Variants in C4orf17 observed in about 807,000 individuals in gnomAD.
C4orf17 encodes the protein uncharacterized protein C4orf17.
A neutral mutation model predicts 32.0 loss-of-function variants in C4orf17; 25 were observed. The ratio of observed to expected loss-of-function variants is 0.78; its 90% CI spans 0.57 to 1.09. The LOEUF is 1.09. Ranked by LOEUF, C4orf17 falls within the 50% of genes least tolerant of loss-of-function variation. C4orf17 has a pLI of 0.00. For synonymous variants in C4orf17, 149 were observed against 145.8 expected (o/e 1.02, Z -0.16); for missense variants, 420 against 420.0 (o/e 1.00, Z 0.00).
intron 2 of C4orf17, among the ~76,000 whole-genome samples, chr4:99,517,352 T>TGCTGCAGGG (rs113783060): frequency 2.0e-5 from 3 of 152,074 alleles, no homozygotes; most frequent in Non-Finnish European, 2.9e-5. Flanking sequence ...CAGAACATAT[T>TGCTGCAGGG]GCTGCAGGGG....
At chr4:99,523,351 T>C in intron 3 of C4orf17, among the ~76,000 whole-genome samples, 1 of 152,250 alleles carries the variant, frequency 6.6e-6, no homozygotes, top group Non-Finnish European at 1.5e-5. Context: ...TACATGCTAT[T>C]ACTAAAACTA....
intron 4 of C4orf17, among the ~76,000 whole-genome samples, chr4:99,524,982 TA>T (rs1723361892): frequency 6.6e-6 from 1 of 152,224 alleles, no homozygotes; most frequent in Admixed American, 6.5e-5. Context: ...ATGATTATTT[TA>T]AGATTCATCC....
At chr4:99,522,358 TG>T in intron 2 of C4orf17, 141 bp from the exon 3 acceptor site, 1 of 627,450 alleles carries the variant, frequency 1.6e-6, no homozygotes, top group Non-Finnish European at 2.5e-6. Flanking sequence ...TTTTTTTTTT[TG>T]GTTTATACAA....
intron 2 of C4orf17, 138 bp downstream of exon 2, chr4:99,513,346 G>C (rs1723127820): frequency 9.3e-7 from 1 of 1,080,046 alleles, no homozygotes; most frequent in Non-Finnish European, 1.4e-6. Flanking sequence ...ATTGGGACTA[G>C]ATGCCAGCAC....
intron 8 of C4orf17, chr4:99,540,671 A>T (rs1723638832): frequency 4.4e-6 from 2 of 454,426 alleles, no homozygotes; most frequent in Admixed American, 3.9e-5. Flanking sequence ...ATGGACAGAC[A>T]CTCTTTGAGA....
intron 8 of C4orf17, 56 bp from the exon 9 acceptor site, chr4:99,541,851 GAGA>G: frequency 8.3e-7 from 1 of 1,198,566 alleles, no homozygotes; most frequent in East Asian, 2.5e-5. Flanking sequence ...CTAAAACATG[GAGA>G]AGGTGTATTC....
At chr4:99,525,243 G>A (rs1723367018) in intron 4 of C4orf17, among the ~76,000 whole-genome samples, 1 of 152,088 alleles carries the variant, frequency 6.6e-6, no homozygotes, top group African/African-American at 2.4e-5. Context: ...CTAAGAAATA[G>A]CCAAATTGTT....
chr4:99,540,161 A>G (rs1723631557), intron 7 of C4orf17, among the ~76,000 whole-genome samples: 1 of 152,122 alleles, frequency 6.6e-6, no homozygotes, highest in Admixed American at 6.6e-5. Context: ...AAAATCAGAA[A>G]CTAGAAGATA....
At chr4:99,530,015 A>T in intron 5 of C4orf17, 57 bp downstream of exon 5, 3 of 1,392,832 alleles carry the variant, frequency 2.2e-6, no homozygotes, top group Admixed American at 2.1e-5. Flanking sequence ...ATACAAAAAA[A>T]TTTATACCAC....
At chr4:99,527,166 A>T (rs1005859644) in intron 4 of C4orf17, among the ~76,000 whole-genome samples, 1 of 152,120 alleles carries the variant, frequency 6.6e-6, no homozygotes, top group South Asian at 2.1e-4. Context: ...TGGGTTACTT[A>T]AAATCATATT....
At chr4:99,524,084 A>G (rs1480632890) in intron 3 of C4orf17, among the ~76,000 whole-genome samples, 1 of 144,852 alleles carries the variant, frequency 6.9e-6, no homozygotes, top group Non-Finnish European at 1.5e-5. Flanking sequence ...GGTTCACGCC[A>G]TTCTCCTGCC....
At chr4:99,524,203 G>A (rs143403305) in intron 3 of C4orf17, among the ~76,000 whole-genome samples, 3 of 152,006 alleles carry the variant, frequency 2.0e-5, no homozygotes, top group South Asian at 2.1e-4. Context: ...GGATGGTCTC[G>A]ATCTCCTGAC....
chr4:99,537,831 G>T, intron 6 of C4orf17, 81 bp downstream of exon 6: 2 of 1,011,026 alleles, frequency 2.0e-6, no homozygotes. Flanking sequence ...CTGAAGTTTT[G>T]TACCTTGGAT....
chr4:99,524,149 T>C (rs1560587552), intron 3 of C4orf17, among the ~76,000 whole-genome samples: 1 of 151,886 alleles, frequency 6.6e-6, no homozygotes, highest in Non-Finnish European at 1.5e-5. Flanking sequence ...CCGGCTAATT[T>C]TTTTGTATTT....
At chr4:99,529,246 A>G (rs1052820493) in intron 4 of C4orf17, among the ~76,000 whole-genome samples, 2 of 152,174 alleles carry the variant, frequency 1.3e-5, no homozygotes, top group Admixed American at 6.5e-5. Flanking sequence ...ATGGACTTAA[A>G]AGCTCCCAGA....
intron 3 of C4orf17, 39 bp downstream of exon 3, chr4:99,522,748 C>A (rs1263142146): frequency 6.6e-7 from 1 of 1,511,776 alleles, no homozygotes; most frequent in Non-Finnish European, 9.1e-7. Context: ...TTCCTTATGC[C>A]TCCTGCAAAC....
chr4:99,526,658 T>C (rs1325604096), intron 4 of C4orf17, among the ~76,000 whole-genome samples: 1 of 151,518 alleles, frequency 6.6e-6, no homozygotes, highest in Non-Finnish European at 1.5e-5. Flanking sequence ...TTTCTTTTTT[T>C]TTTTTTTATA....
At chr4:99,523,098 C>T (rs1358426847) in intron 3 of C4orf17, among the ~76,000 whole-genome samples, 2 of 152,138 alleles carry the variant, frequency 1.3e-5, no homozygotes, top group Non-Finnish European at 2.9e-5. Flanking sequence ...ATGAGACTGT[C>T]GTCTCCTTAA....
At chr4:99,512,926 G>C (rs1010726619) in intron 1 of C4orf17, 63 bp from the exon 2 acceptor site, 2 of 692,094 alleles carry the variant, frequency 2.9e-6, no homozygotes, top group Non-Finnish European at 4.7e-6. Context: ...ATGGAGAAAT[G>C]TTTGATATAT....
Sources: allele counts gnomAD v4.1 joint callset (sites outside exome capture counted in the v4.1 genomes callset), GRCh38; gene constraint gnomAD v4.1.1; transcripts MANE v1.5; gene names NCBI Gene and HGNC (gene_info 2026-07-23, HGNC 2026-07-21).